Variants in ETFA observed in about 807,000 individuals in gnomAD.
The protein encoded by ETFA is electron transfer flavoprotein subunit alpha, mitochondrial.
In ETFA, 22 loss-of-function variants were observed where a neutral mutation model predicts 46.2. The ratio of observed to expected loss-of-function variants is 0.48; its 90% CI spans 0.34 to 0.68. The LOEUF is 0.68. Ranked by LOEUF, ETFA falls within the 30% of genes least tolerant of loss-of-function variation. The probability of loss-of-function intolerance (pLI) is 0.01; values close to 1 mark genes in which losing one functional copy is unlikely to be tolerated. For synonymous variants in ETFA, 131 were observed against 139.9 expected (o/e 0.94, Z 0.45); for missense variants, 345 against 401.1 (o/e 0.86, Z 1.19).
intron 9 of ETFA, among the ~76,000 whole-genome samples, chr15:76,258,393 A>G (rs569678406): frequency 6.6e-6 from 1 of 152,222 alleles, no homozygotes; most frequent in African/African-American, 2.4e-5. Flanking sequence ...GCTGCAGGGA[A>G]GCATCCTCCC....
At chr15:76,308,040 G>C (rs2039954427) in intron 1 of ETFA, among the ~76,000 whole-genome samples, 2 of 151,844 alleles carry the variant, frequency 1.3e-5, no homozygotes, top group African/African-American at 2.4e-5. Flanking sequence ...AGATTGAATG[G>C]GCCCCACTTT....
chr15:76,272,022 GA>G (rs1221432147), intron 9 of ETFA, among the ~76,000 whole-genome samples: 1 of 151,054 alleles, frequency 6.6e-6, no homozygotes, highest in Admixed American at 6.6e-5. Context: ...ATTTCCTTAT[GA>G]AAAAAAATTT....
chr15:76,246,142 A>G (rs1452686391), intron 9 of ETFA, among the ~76,000 whole-genome samples: 1 of 152,212 alleles, frequency 6.6e-6, no homozygotes, highest in Non-Finnish European at 1.5e-5. Flanking sequence ...TGTTATATAA[A>G]TATTAACTCA....
At position 76,310,612 on chromosome 15, in the gene ETFA, G is replaced by T. The variant is rs569192440; in HGVS notation, c.39+738C>A. Among the ~76,000 whole-genome samples the T allele has an allele frequency of 1.3e-4, 20 of 152,316 alleles. No individual in the cohort carries two copies. The South Asian group carries it at 3.9e-3, about 30-fold the overall frequency. ...TCTCACAACAGAAGAGAGAAATGTG[G>T]TTTGTCACTAATGAAACACTGAAAA... On this transcript the variant is annotated intron_variant, in intron 1 of 11. Coordinates refer to ENST00000557943, the MANE Select transcript of ETFA (RefSeq NM_000126.4).
chr15:76,279,014 A>C (rs1317630552), intron 8 of ETFA, among the ~76,000 whole-genome samples: 1 of 152,164 alleles, frequency 6.6e-6, no homozygotes, highest in Non-Finnish European at 1.5e-5. Context: ...ATCAGCATAG[A>C]AGCATGTTAT....
At chr15:76,280,854 C>A (rs1311965798) in intron 8 of ETFA, among the ~76,000 whole-genome samples, 1 of 150,652 alleles carries the variant, frequency 6.6e-6, no homozygotes, top group Non-Finnish European at 1.5e-5. Flanking sequence ...TGGTCTGGAA[C>A]ACTCTCCCTC....
chr15:76,274,737 T>C (rs1426372913), intron 8 of ETFA, among the ~76,000 whole-genome samples: 1 of 152,234 alleles, frequency 6.6e-6, no homozygotes, highest in Non-Finnish European at 1.5e-5. Context: ...ATGTTTAGAA[T>C]GTCATTATAT....
chr15:76,261,027 A>G (rs113033853), intron 9 of ETFA: 330,227 of 1,580,812 alleles, frequency 0.21, 94 homozygotes, highest in Middle Eastern at 0.24. Context: ...GTTGAAGGGG[A>G]CTGCAGGCAG....
At chr15:76,290,867 C>T (rs1244200679) in intron 4 of ETFA, among the ~76,000 whole-genome samples, 1 of 152,180 alleles carries the variant, frequency 6.6e-6, no homozygotes, top group Non-Finnish European at 1.5e-5. Context: ...TGCTGTACTA[C>T]ACGCAGTCTT....
chr15:76,264,955 T>C (rs1000588055), intron 9 of ETFA, among the ~76,000 whole-genome samples: 1 of 152,218 alleles, frequency 6.6e-6, no homozygotes, highest in Non-Finnish European at 1.5e-5. Context: ...AGTGCCATTC[T>C]AAATTTAGCA....
intron 9 of ETFA, chr15:76,261,509 T>G: frequency 2.8e-6 from 2 of 722,468 alleles, no homozygotes; most frequent in Non-Finnish European, 4.7e-6. Context: ...ATGCTGCAGC[T>G]GAGCTTTACC....
At chr15:76,305,940 T>C (rs918446618) in intron 1 of ETFA, among the ~76,000 whole-genome samples, 5 of 151,832 alleles carry the variant, frequency 3.3e-5, no homozygotes. Flanking sequence ...GCTGGTCTCC[T>C]GGACTCAAGT....
intron 9 of ETFA, among the ~76,000 whole-genome samples, chr15:76,266,505 C>T (rs1263184688): frequency 6.6e-6 from 1 of 152,172 alleles, no homozygotes; most frequent in Non-Finnish European, 1.5e-5. Flanking sequence ...ACAGAAAAGG[C>T]TGTAAATGCG....
intron 9 of ETFA, among the ~76,000 whole-genome samples, chr15:76,232,757 ACAGAAGAGGTACACCTC>A (rs904630071): frequency 1.3e-5 from 2 of 152,208 alleles, no homozygotes; most frequent in African/African-American, 4.8e-5. Context: ...CCAATTGTAA[ACAGAAGAGGTACACCTC>A]CAGCACTGGT....
At chr15:76,309,037 T>C (rs1200306831) in intron 1 of ETFA, among the ~76,000 whole-genome samples, 1 of 152,210 alleles carries the variant, frequency 6.6e-6, no homozygotes, top group African/African-American at 2.4e-5. Context: ...ATTTCAAAAT[T>C]TAAAAAGTTA....
At chr15:76,227,620 C>A (rs2039017666) in intron 10 of ETFA, 9 of 350,124 alleles carry the variant, frequency 2.6e-5, no homozygotes, top group South Asian at 1.8e-4. Flanking sequence ...CTTCTAACAC[C>A]ACTGCAGTTA....
chr15:76,222,468 A>G (rs912613486), intron 11 of ETFA, among the ~76,000 whole-genome samples: 4 of 152,236 alleles, frequency 2.6e-5, no homozygotes, highest in Non-Finnish European at 5.9e-5. Context: ...GAATTACTAC[A>G]GTATTCACCT....
intron 9 of ETFA, among the ~76,000 whole-genome samples, chr15:76,254,469 T>A (rs936853657): frequency 2.0e-5 from 3 of 152,210 alleles, no homozygotes; most frequent in African/African-American, 7.2e-5. Flanking sequence ...ACAGAATCCA[T>A]AATCTCTACA....
chr15:76,240,348 A>G (rs2039172419), intron 9 of ETFA, among the ~76,000 whole-genome samples: 1 of 152,184 alleles, frequency 6.6e-6, no homozygotes, highest in Admixed American at 6.5e-5. Flanking sequence ...TTAAATTCAA[A>G]TTCATTCTTA....
Sources: gnomAD v4.1 joint callset for allele counts (sites outside exome capture counted in the v4.1 genomes callset) on GRCh38, gnomAD v4.1.1 for gene constraint, MANE v1.5 for transcripts, NCBI Gene and HGNC (gene_info 2026-07-23, HGNC 2026-07-21) for gene names.